CNTN4: variants seen among roughly 807,000 people sequenced by gnomAD.
The protein encoded by CNTN4 is contactin-4.
In CNTN4, 77 loss-of-function variants were observed where a neutral mutation model predicts 122.5. That is an observed-to-expected ratio of 0.63 (90% CI 0.52 to 0.76). The LOEUF is 0.76. Among genes scored for constraint, CNTN4 ranks in the 30% least tolerant of loss-of-function variants. The pLI is 0.00. For synonymous variants in CNTN4, 512 were observed against 447.0 expected, an observed-to-expected ratio of 1.15 and a Z score of -1.83; for missense variants, 1,256 against 1,259.1, an observed-to-expected ratio of 1.00 and a Z score of 0.04.
chr3:2,797,676 C>A (rs1048099420), intron 6 of CNTN4, among the ~76,000 whole-genome samples: 1 of 152,162 alleles, frequency 6.6e-6, no homozygotes, highest in Non-Finnish European at 1.5e-5. Flanking sequence ...CCCTTTACTG[C>A]AAAGTTTTTT....
intron 2 of CNTN4, among the ~76,000 whole-genome samples, chr3:2,324,532 T>G (rs2043384853): frequency 6.6e-6 from 1 of 152,088 alleles, no homozygotes; most frequent in Non-Finnish European, 1.5e-5. Context: ...TGGTTTCAGT[T>G]TTAATTTCTA....
chr3:2,287,750 A>G (rs577984342), intron 2 of CNTN4, among the ~76,000 whole-genome samples: 423 of 139,398 alleles, frequency 3.0e-3, no homozygotes, highest in South Asian at 6.3e-3. Flanking sequence ...AAGAAGAAGA[A>G]GAAGAAGAAG....
At chr3:2,142,895 G>T (rs937284895) in intron 2 of CNTN4, among the ~76,000 whole-genome samples, 1 of 152,182 alleles carries the variant, frequency 6.6e-6, no homozygotes, top group East Asian at 1.9e-4. Flanking sequence ...TAAATAGGCT[G>T]CCTCTATTTT....
At chr3:3,005,925 G>A (rs989617281) in intron 14 of CNTN4, among the ~76,000 whole-genome samples, 10 of 142,120 alleles carry the variant, frequency 7.0e-5, no homozygotes, top group East Asian at 6.1e-4. Flanking sequence ...TCACTGTGTC[G>A]CCCAGGCTGG....
Position 2,641,623 on chromosome 3 carries a change from G to T in CNTN4, c.55+70065G>T, listed in dbSNP as rs577566259. Among the ~76,000 whole-genome samples the T allele has an allele frequency of 1.5e-4, 23 of 152,222 alleles. No individual in the cohort carries two copies. In the East Asian group the frequency reaches 2.5e-3, roughly 17 times the overall value. Reference sequence around the variant, plus strand: ...TGTGTTTGTGCACCATCTTCACAATGACCCTAGTCTACATTCCTGGTTATA... The same window carrying T: ...TGTGTTTGTGCACCATCTTCACAATTACCCTAGTCTACATTCCTGGTTATA... On this transcript the variant is annotated intron_variant, in intron 4 of 24. Transcript: ENST00000418658.
intron 12 of CNTN4, among the ~76,000 whole-genome samples, chr3:2,907,900 T>A (rs1233642171): frequency 1.2e-4 from 19 of 152,264 alleles, no homozygotes; most frequent in Admixed American, 1.1e-3. Context: ...GAGACTTTTA[T>A]CTTGAGGTCA....
intron 2 of CNTN4, among the ~76,000 whole-genome samples, chr3:2,199,959 A>T (rs2038020633): frequency 6.6e-6 from 1 of 152,188 alleles, no homozygotes; most frequent in Admixed American, 6.5e-5. Context: ...AGTATGTTGG[A>T]TGAAGATGAG....
chr3:2,133,604 T>A (rs762243741), intron 2 of CNTN4, among the ~76,000 whole-genome samples: 24 of 152,192 alleles, frequency 1.6e-4, no homozygotes, highest in Non-Finnish European at 2.8e-4. Context: ...TAGATTTTAT[T>A]TTGGGGAAAA....
chr3:2,450,763 A>G (rs2048799947), intron 3 of CNTN4, among the ~76,000 whole-genome samples: 1 of 152,224 alleles, frequency 6.6e-6, no homozygotes, highest in Non-Finnish European at 1.5e-5. Context: ...GAATTAAGAT[A>G]ACTTGTCCCC....
At chr3:2,606,009 A>G (rs1333522996) in intron 4 of CNTN4, among the ~76,000 whole-genome samples, 1 of 152,118 alleles carries the variant, frequency 6.6e-6, no homozygotes, top group Non-Finnish European at 1.5e-5. Flanking sequence ...GAGGACTGAG[A>G]TGTGAAGTGA....
chr3:2,830,565 A>G (rs1316754933), intron 7 of CNTN4, among the ~76,000 whole-genome samples: 1 of 152,208 alleles, frequency 6.6e-6, no homozygotes, highest in Non-Finnish European at 1.5e-5. Flanking sequence ...GAGTCTGGAG[A>G]TGTGAAAAAC....
chr3:3,025,157 T>G (rs1006758650), intron 14 of CNTN4, among the ~76,000 whole-genome samples: 2 of 152,128 alleles, frequency 1.3e-5, no homozygotes, highest in Non-Finnish European at 2.9e-5. Flanking sequence ...ACTATGGGTG[T>G]GAATGTAGTT....
intron 3 of CNTN4, among the ~76,000 whole-genome samples, chr3:2,430,134 C>G (rs1482582993): frequency 6.6e-6 from 1 of 151,970 alleles, no homozygotes; most frequent in Admixed American, 6.6e-5. Context: ...GTTAGAAATG[C>G]AGAAATTGGC....
chr3:2,755,041 C>A (rs1277331772), intron 6 of CNTN4, among the ~76,000 whole-genome samples: 1 of 152,124 alleles, frequency 6.6e-6, no homozygotes, highest in East Asian at 1.9e-4. Context: ...CTTTATTAAA[C>A]TGAGAATGTA....
At chr3:2,656,040 G>T (rs2083572830) in intron 4 of CNTN4, among the ~76,000 whole-genome samples, 1 of 152,162 alleles carries the variant, frequency 6.6e-6, no homozygotes, top group Admixed American at 6.5e-5. Context: ...GAATGGAAAA[G>T]ATAAGAATGT....
chr3:2,961,840 C>G lies in CNTN4; in HGVS notation c.1359-26505C>G, dbSNP rs548881178. 3.3e-5 allele frequency among the ~76,000 whole-genome samples: 5 copies of G among 152,332 alleles called. No individual in the cohort carries two copies. The East Asian group carries it at 9.6e-4, about 29-fold the overall frequency. ...CCATTTAGATAAGCTTTGAAAAACA[C>G]TGTGTAGAGGGGAATTCTTCTAGAA... is the stretch of plus-strand genomic sequence containing the variant. On this transcript the variant is annotated intron_variant, in intron 13 of 24. Transcript: ENST00000418658.
intron 2 of CNTN4, among the ~76,000 whole-genome samples, chr3:2,245,035 T>A (rs916933647): frequency 2.0e-5 from 3 of 152,042 alleles, no homozygotes; most frequent in African/African-American, 7.2e-5. Flanking sequence ...AGAAATACTG[T>A]CCGTCTTCCA....
intron 4 of CNTN4, among the ~76,000 whole-genome samples, chr3:2,590,352 G>C (rs995455376): frequency 6.6e-6 from 1 of 152,088 alleles, no homozygotes; most frequent in African/African-American, 2.4e-5. Flanking sequence ...CGCCTCCTGG[G>C]TTCAAGCAAT....
chr3:2,810,901 G>T (rs913753703), intron 6 of CNTN4, among the ~76,000 whole-genome samples: 4 of 152,180 alleles, frequency 2.6e-5, no homozygotes, highest in African/African-American at 9.6e-5. Context: ...AGAGAACACT[G>T]TGAGGGCTGG....
Sources: gnomAD v4.1 joint callset for allele counts (sites outside exome capture counted in the v4.1 genomes callset) on GRCh38, gnomAD v4.1.1 for gene constraint, MANE v1.5 for transcripts, NCBI Gene and HGNC (gene_info 2026-07-23, HGNC 2026-07-21) for gene names.